Variants in KCNIP4 observed in about 807,000 individuals in gnomAD.
KCNIP4 encodes potassium voltage-gated channel interacting protein 4, also known as Kv channel-interacting protein 4.
Under a neutral mutation model 34.0 loss-of-function variants are expected in KCNIP4, and 12 were observed. The ratio of observed to expected loss-of-function variants is 0.35; its 90% CI spans 0.23 to 0.57. The LOEUF is 0.57. KCNIP4 is among the 20% of genes least tolerant of loss of function. KCNIP4 has a pLI of 0.83. For missense variants in KCNIP4, 238 were observed against 311.7 expected (o/e 0.76, Z 1.78); for synonymous variants, 124 against 102.2 (o/e 1.21, Z -1.29).
intron 1 of KCNIP4, chr4:21,608,791 T>C (rs4572865): frequency 0.69 from 104,561 of 152,066 alleles, 36,412 homozygotes; most frequent in East Asian, 0.89. Context: ...AAATTTTTGC[T>C]TCTAATTTTC....
chr4:21,104,948 G>A (rs924865649), intron 1 of KCNIP4, among the ~76,000 whole-genome samples: 1 of 151,532 alleles, frequency 6.6e-6, no homozygotes, highest in African/African-American at 2.4e-5. Flanking sequence ...TGTTCCATTG[G>A]TCTATATCTC....
intron 1 of KCNIP4, among the ~76,000 whole-genome samples, chr4:21,474,610 C>T (rs1730762062): frequency 6.6e-6 from 1 of 152,068 alleles, no homozygotes; most frequent in Admixed American, 6.5e-5. Flanking sequence ...TACCTTTCTG[C>T]AGAAGCTGTC....
At chr4:21,519,536 GTGTATATACACATATGTGTGTATGTGTA>G in intron 1 of KCNIP4, among the ~76,000 whole-genome samples, 1 of 78,668 alleles carries the variant, frequency 1.3e-5, no homozygotes, top group South Asian at 3.7e-4. Context: ...GTATGTGTAT[GTGTATATACACATATGTGTGTATGTGTA>G]TATATACACA....
chr4:21,795,584 C>CTTCTCAT (rs1225034587), intron 1 of KCNIP4, among the ~76,000 whole-genome samples: 1 of 152,090 alleles, frequency 6.6e-6, no homozygotes, highest in Non-Finnish European at 1.5e-5. Context: ...TTGAAATACT[C>CTTCTCAT]TTCTCATTGG....
chr4:21,020,966 T>C (rs1008560455), intron 1 of KCNIP4, among the ~76,000 whole-genome samples: 1 of 152,172 alleles, frequency 6.6e-6, no homozygotes, highest in African/African-American at 2.4e-5. Context: ...TGCTTAAGGA[T>C]GAGGATGCAT....
intron 1 of KCNIP4, among the ~76,000 whole-genome samples, chr4:21,077,979 A>G (rs191051929): frequency 2.0e-5 from 3 of 152,218 alleles, no homozygotes; most frequent in African/African-American, 7.2e-5. Context: ...TATGAGTTTT[A>G]GAGATTTTAA....
intron 1 of KCNIP4, among the ~76,000 whole-genome samples, chr4:21,003,635 A>T (rs1033638265): frequency 6.6e-5 from 10 of 152,334 alleles, no homozygotes; most frequent in Middle Eastern, 6.8e-3. Flanking sequence ...AAGCCTAGCA[A>T]TTTATTTAAG....
intron 1 of KCNIP4, among the ~76,000 whole-genome samples, chr4:20,960,526 C>G (rs1330611199): frequency 6.6e-6 from 1 of 152,126 alleles, no homozygotes; most frequent in Non-Finnish European, 1.5e-5. Context: ...AGATAATGCA[C>G]CAGAAAATAT....
chr4:20,894,507 GA>G (rs1726291204), intron 1 of KCNIP4, among the ~76,000 whole-genome samples: 1 of 152,078 alleles, frequency 6.6e-6, no homozygotes, highest in African/African-American at 2.4e-5. Flanking sequence ...GGATTTTCAG[GA>G]AAAACAGTCA....
At chr4:21,245,593 A>G (rs956083541) in intron 1 of KCNIP4, among the ~76,000 whole-genome samples, 6 of 152,264 alleles carry the variant, frequency 3.9e-5, no homozygotes, top group African/African-American at 1.2e-4. Flanking sequence ...TGGGTGATAC[A>G]TTTTTAAGAG....
intron 1 of KCNIP4, among the ~76,000 whole-genome samples, chr4:21,129,385 C>A (rs1184322277): frequency 6.6e-6 from 1 of 152,174 alleles, no homozygotes; most frequent in Admixed American, 6.5e-5. Flanking sequence ...ATTGGTTAAC[C>A]TCACATTTCA....
At chr4:21,810,739 C>T (rs1432603791) in intron 1 of KCNIP4, among the ~76,000 whole-genome samples, 3 of 150,194 alleles carry the variant, frequency 2.0e-5, no homozygotes, top group African/African-American at 7.4e-5. Flanking sequence ...TTCCTAGTAC[C>T]CACAGATTTT....
At chr4:21,118,660 G>GTT (rs761916372) in intron 1 of KCNIP4, among the ~76,000 whole-genome samples, 42 of 152,148 alleles carry the variant, frequency 2.8e-4, no homozygotes, top group Non-Finnish European at 4.7e-4. Context: ...GCAAGTGGGT[G>GTT]GTGGGGGGTG....
At chr4:20,790,071 A>G (rs1238285793) in intron 3 of KCNIP4, among the ~76,000 whole-genome samples, 1 of 152,190 alleles carries the variant, frequency 6.6e-6, no homozygotes, top group Non-Finnish European at 1.5e-5. Context: ...ACACCCTAGT[A>G]CACATCTAGG....
At chr4:21,838,441 T>G (rs996010463) in intron 1 of KCNIP4, among the ~76,000 whole-genome samples, 1 of 152,208 alleles carries the variant, frequency 6.6e-6, no homozygotes, top group Non-Finnish European at 1.5e-5. Flanking sequence ...GGAACAATAA[T>G]GAGAGTTCGT....
intron 3 of KCNIP4, among the ~76,000 whole-genome samples, chr4:20,766,225 A>G (rs185120726): frequency 2.0e-4 from 30 of 152,318 alleles, no homozygotes; most frequent in Admixed American, 1.7e-3. Flanking sequence ...AAATTAGAAA[A>G]TAGCAGATCT....
chr4:20,807,954 T>C (rs1178338585), intron 3 of KCNIP4, among the ~76,000 whole-genome samples: 2 of 152,138 alleles, frequency 1.3e-5, no homozygotes, highest in African/African-American at 2.4e-5. Flanking sequence ...ATTTAAAATA[T>C]AGCCTGATGA....
rs552275388 is a variant in KCNIP4, at chr4:21,628,206, A to AC, written c.61+320364dup. 2.9e-3 allele frequency among the ~76,000 whole-genome samples: 437 copies of AC among 152,228 alleles called. 3 individuals carry two copies. Among genetic ancestry groups the AC allele is most frequent in the African/African-American group, 0.01 (417 of 41,536 alleles). The stretch of plus-strand genomic sequence containing the variant: ...CCAATGGATATTTTACTTCCTTTCA[A>AC]CCTGCTTCTTTACCTCCTCCAAAAT... On this transcript the variant is annotated intron_variant, in intron 1 of 8. Transcript: ENST00000382152.
chr4:21,510,643 A>C (rs1734235073), intron 1 of KCNIP4, among the ~76,000 whole-genome samples: 2 of 152,248 alleles, frequency 1.3e-5, no homozygotes, highest in African/African-American at 2.4e-5. Context: ...ATACTCTCTA[A>C]GCCTCAGTTT....
Sources: gnomAD v4.1 joint callset for allele counts (sites outside exome capture counted in the v4.1 genomes callset) on GRCh38, gnomAD v4.1.1 for gene constraint, MANE v1.5 for transcripts, NCBI Gene and HGNC (gene_info 2026-07-23, HGNC 2026-07-21) for gene names.